Variants in CNTNAP2 observed in about 807,000 individuals in gnomAD.
The protein encoded by CNTNAP2 is contactin-associated protein-like 2.
In CNTNAP2, 98 loss-of-function variants were observed where a neutral mutation model predicts 155.2. The observed-to-expected ratio is 0.63, with a 90% CI of 0.54 to 0.75. The LOEUF (loss-of-function observed/expected upper bound fraction) is 0.75, where lower values mean the gene tolerates loss of function less well. CNTNAP2 is among the 30% of genes least tolerant of loss of function. The probability of loss-of-function intolerance (pLI) is 0.00; values close to 1 mark genes in which losing one functional copy is unlikely to be tolerated. For missense variants in CNTNAP2, 1,727 were observed against 1,688.1 expected, an observed-to-expected ratio of 1.02 and a Z score of -0.40; for synonymous variants, 651 against 631.2, an observed-to-expected ratio of 1.03 and a Z score of -0.47.
At chr7:148,300,576 G>GA (rs71188963) in intron 21 of CNTNAP2, among the ~76,000 whole-genome samples, 120 of 126,554 alleles carry the variant, frequency 9.5e-4, no homozygotes, top group East Asian at 4.3e-3. Context: ...GGCTAAGCAG[G>GA]AAAAAAAAAA....
At chr7:146,528,245 G>A (rs1031776417) in intron 1 of CNTNAP2, among the ~76,000 whole-genome samples, 4 of 152,160 alleles carry the variant, frequency 2.6e-5, no homozygotes, top group African/African-American at 9.6e-5. Flanking sequence ...TGTAAAATTT[G>A]TAAAGATGGG....
chr7:146,307,576 A>G (rs1214684858), intron 1 of CNTNAP2, among the ~76,000 whole-genome samples: 1 of 152,150 alleles, frequency 6.6e-6, no homozygotes, highest in South Asian at 2.1e-4. Context: ...CTGACTTCAA[A>G]CTATACTACA....
At chr7:147,890,735 T>C (rs1468714940) in intron 13 of CNTNAP2, among the ~76,000 whole-genome samples, 1 of 152,162 alleles carries the variant, frequency 6.6e-6, no homozygotes, top group Non-Finnish European at 1.5e-5. Context: ...CTCACTTATA[T>C]ATGGAATTTT....
chr7:148,345,727 G>A (rs945363899), intron 21 of CNTNAP2, among the ~76,000 whole-genome samples: 14 of 152,062 alleles, frequency 9.2e-5, no homozygotes, highest in African/African-American at 3.4e-4. Flanking sequence ...TGGGGCAGAG[G>A]CCAGCTCTTA....
chr7:147,895,917 T>TAA (rs1799768906), intron 13 of CNTNAP2, among the ~76,000 whole-genome samples: 1 of 152,250 alleles, frequency 6.6e-6, no homozygotes, highest in African/African-American at 2.4e-5. Flanking sequence ...CTCTCTGGAA[T>TAA]ACGTTTTTCT....
chr7:146,786,704 C>G (rs994333718), intron 2 of CNTNAP2, among the ~76,000 whole-genome samples: 1 of 152,206 alleles, frequency 6.6e-6, no homozygotes, highest in Non-Finnish European at 1.5e-5. Context: ...AAGATTTCTT[C>G]CCCAGGTTTT....
intron 15 of CNTNAP2, among the ~76,000 whole-genome samples, chr7:148,003,899 A>G (rs1801934714): frequency 6.6e-6 from 1 of 152,214 alleles, no homozygotes; most frequent in African/African-American, 2.4e-5. Flanking sequence ...TAGCATAAAT[A>G]TTGTGCTTAA....
chr7:146,422,028 C>T (rs1049161964), intron 1 of CNTNAP2, among the ~76,000 whole-genome samples: 3 of 151,730 alleles, frequency 2.0e-5, no homozygotes, highest in African/African-American at 7.2e-5. Flanking sequence ...ACCAGTGCAT[C>T]ATTTCCATAT....
intron 20 of CNTNAP2, among the ~76,000 whole-genome samples, chr7:148,238,530 A>T (rs557139706): frequency 2.0e-5 from 3 of 152,346 alleles, no homozygotes; most frequent in South Asian, 2.1e-4. Flanking sequence ...GAAATTTTTT[A>T]AAAATGTTTA....
At chr7:148,107,970 G>A (rs1182424431) in intron 15 of CNTNAP2, among the ~76,000 whole-genome samples, 1 of 152,202 alleles carries the variant, frequency 6.6e-6, no homozygotes, top group East Asian at 1.9e-4. Flanking sequence ...AGCCAGCCTG[G>A]CAGCGACACT....
intron 13 of CNTNAP2, among the ~76,000 whole-genome samples, chr7:147,869,583 CA>C (rs143478482): frequency 0.016 from 2,437 of 152,286 alleles, 76 homozygotes; most frequent in East Asian, 0.13. Flanking sequence ...ATGTTAATTT[CA>C]GCTCACAAGA....
At chr7:147,308,660 T>C (rs1483950650) in intron 9 of CNTNAP2, among the ~76,000 whole-genome samples, 5 of 152,204 alleles carry the variant, frequency 3.3e-5, no homozygotes. Flanking sequence ...AAAATGACTT[T>C]TGACCTATAC....
chr7:146,346,089 A>G (rs921181616), intron 1 of CNTNAP2, among the ~76,000 whole-genome samples: 1 of 152,232 alleles, frequency 6.6e-6, no homozygotes. Flanking sequence ...AGATCATAAG[A>G]GAGAAACTTC....
At chr7:148,386,727 T>TTAAG (rs1491319721) in intron 22 of CNTNAP2, among the ~76,000 whole-genome samples, 1 of 152,154 alleles carries the variant, frequency 6.6e-6, no homozygotes, top group Non-Finnish European at 1.5e-5. Flanking sequence ...CTCTGTCCTC[T>TTAAG]TAAGTTCAGT....
intron 14 of CNTNAP2, chr7:147,939,965 C>G (rs1800688069): frequency 6.6e-6 from 1 of 152,020 alleles, no homozygotes; most frequent in African/African-American, 2.4e-5. Context: ...GCAATTGTTT[C>G]AAAACAAAGA....
intron 14 of CNTNAP2, among the ~76,000 whole-genome samples, chr7:147,916,911 C>T (rs531776726): frequency 8.5e-5 from 13 of 152,250 alleles, no homozygotes; most frequent in African/African-American, 2.9e-4. Flanking sequence ...TAATGATGCT[C>T]GCTCACTTGT....
chr7:147,219,997 G>A (rs1803358712), intron 8 of CNTNAP2, among the ~76,000 whole-genome samples: 2 of 144,064 alleles, frequency 1.4e-5, no homozygotes, highest in South Asian at 2.2e-4. Context: ...CACCGTGTTA[G>A]CCAGGATGGT....
In CNTNAP2 at chr7:147,132,166, C is replaced by T. The variant is rs1801387509; in HGVS notation, c.1084-79C>T. ...AGGCTGTGCTTCAAAACTTGTAGAACTATACTTTCATCAGTGGTCTGACAT... is the reference window on the plus strand; with the variant it reads ...AGGCTGTGCTTCAAAACTTGTAGAATTATACTTTCATCAGTGGTCTGACAT... On this transcript the variant is annotated intron_variant, in intron 7 of 23. Transcript: ENST00000361727. The T allele has an allele frequency of 1.9e-6, 3 of 1,574,044 alleles. No homozygotes were observed. In the South Asian group the frequency reaches 3.3e-5, roughly 17 times the overall value.
intron 1 of CNTNAP2, among the ~76,000 whole-genome samples, chr7:146,757,450 C>G (rs146656791): frequency 1.3e-5 from 2 of 152,074 alleles, no homozygotes; most frequent in Admixed American, 1.3e-4. Flanking sequence ...ATTAAGTAAG[C>G]ACTTTTTTGA....
Sources: gnomAD v4.1 joint callset for allele counts (sites outside exome capture counted in the v4.1 genomes callset) on GRCh38, gnomAD v4.1.1 for gene constraint, MANE v1.5 for transcripts, NCBI Gene and HGNC (gene_info 2026-07-23, HGNC 2026-07-21) for gene names.